The following MCTP2 variants were observed in gnomAD, a reference collection of about 807,000 sequenced individuals.
The protein encoded by MCTP2 is multiple C2 and transmembrane domain-containing protein 2.
In MCTP2, 132 loss-of-function variants were observed where a neutral mutation model predicts 111.6. The ratio of observed to expected loss-of-function variants is 1.18; its 90% CI spans 1.03 to 1.37. The LOEUF (loss-of-function observed/expected upper bound fraction) is 1.37, where lower values mean the gene tolerates loss of function less well. Ranked by LOEUF, MCTP2 falls within the 40% of genes most tolerant of loss-of-function variation. MCTP2 has a pLI of 0.00. For missense variants in MCTP2, 1,183 were observed against 1,067.9 expected (o/e 1.11, Z -1.50); for synonymous variants, 395 against 387.7 (o/e 1.02, Z -0.22).
chr15:94,295,783 C>T (rs1001664443), intron 1 of MCTP2, among the ~76,000 whole-genome samples: 5 of 152,038 alleles, frequency 3.3e-5, no homozygotes, highest in African/African-American at 1.2e-4. Flanking sequence ...GGCATGGTGG[C>T]GTGTGTCTGT....
chr15:94,398,110 A>G (rs1281275027), intron 14 of MCTP2, among the ~76,000 whole-genome samples: 2 of 152,222 alleles, frequency 1.3e-5, no homozygotes, highest in Non-Finnish European at 2.9e-5. Flanking sequence ...AGACTACTGT[A>G]TGGAACTGAT....
At chr15:94,424,038 G>A (rs1369693818) in intron 17 of MCTP2, among the ~76,000 whole-genome samples, 1 of 152,070 alleles carries the variant, frequency 6.6e-6, no homozygotes, top group Admixed American at 6.5e-5. Flanking sequence ...AATGTTGCAT[G>A]TCACTCACTG....
At chr15:94,379,670 T>C (rs1378341247) in intron 12 of MCTP2, among the ~76,000 whole-genome samples, 2 of 149,438 alleles carry the variant, frequency 1.3e-5, no homozygotes, top group African/African-American at 4.9e-5. Flanking sequence ...GCTATTTGCC[T>C]CTCTCTCTCA....
intron 14 of MCTP2, among the ~76,000 whole-genome samples, chr15:94,392,022 T>G (rs1421167798): frequency 1.3e-5 from 2 of 152,066 alleles, no homozygotes; most frequent in African/African-American, 4.8e-5. Flanking sequence ...AAGTAAAAGG[T>G]AGGTCAGAAA....
intron 1 of MCTP2, among the ~76,000 whole-genome samples, chr15:94,258,253 G>T (rs1224364757): frequency 6.6e-6 from 1 of 152,040 alleles, no homozygotes; most frequent in Non-Finnish European, 1.5e-5. Flanking sequence ...ACAACTAAAT[G>T]AATGCTTCAG....
At chr15:94,242,496 C>G (rs1181289836) in intron 1 of MCTP2, among the ~76,000 whole-genome samples, 1 of 152,000 alleles carries the variant, frequency 6.6e-6, no homozygotes, top group Non-Finnish European at 1.5e-5. Flanking sequence ...CTGTGCACTG[C>G]TGAGGTTTTT....
At chr15:94,281,228 A>G (rs1449947696) in intron 1 of MCTP2, among the ~76,000 whole-genome samples, 1 of 152,150 alleles carries the variant, frequency 6.6e-6, no homozygotes, top group Non-Finnish European at 1.5e-5. Flanking sequence ...AGCTTGTTTT[A>G]TGAATCTGGC....
chr15:94,293,847 C>G (rs1013650582), intron 1 of MCTP2, among the ~76,000 whole-genome samples: 2 of 152,152 alleles, frequency 1.3e-5, no homozygotes, highest in African/African-American at 4.8e-5. Flanking sequence ...TATGACCCAG[C>G]AATCTCACTC....
intron 21 of MCTP2, among the ~76,000 whole-genome samples, chr15:94,472,129 G>A (rs1363479351): frequency 6.6e-6 from 1 of 152,234 alleles, no homozygotes; most frequent in African/African-American, 2.4e-5. Flanking sequence ...TGTAATCCCA[G>A]CACTTTGGGA....
intron 2 of MCTP2, 109 bp downstream of exon 2, chr15:94,298,839 T>TCACTCTCTTCCCCCCTCCCCCTCCCTCA: frequency 4.9e-6 from 2 of 406,772 alleles, no homozygotes. Flanking sequence ...TCCCCCTCCC[T>TCACTCTCTTCCCCCCTCCCCCTCCCTCA]CTCTCTTCCC....
intron 19 of MCTP2, among the ~76,000 whole-genome samples, chr15:94,457,511 G>T (rs2084909552): frequency 6.6e-6 from 1 of 152,160 alleles, no homozygotes; most frequent in South Asian, 2.1e-4. Flanking sequence ...TGATCATCCT[G>T]GAAGGGAATA....
At position 94,335,791 on chromosome 15, in the gene MCTP2, A is replaced by G. The variant is rs1251823842; in HGVS notation, c.638-3499A>G. ...AAAACAGTTGATCTACATTGCTGGT[A>G]TGAGCAGAGCTCCAAGGAATGTTAA... On this transcript the variant is annotated intron_variant, in intron 4 of 22. Coordinates refer to ENST00000357742, the MANE Select transcript of MCTP2 (RefSeq NM_001385001.1). 2.0e-5 allele frequency among the ~76,000 whole-genome samples: 3 copies of G among 152,278 alleles called. No individual in the cohort carries two copies. In the East Asian group the frequency reaches 5.8e-4, roughly 29 times the overall value.
intron 1 of MCTP2, among the ~76,000 whole-genome samples, chr15:94,242,862 C>T (rs138754635): frequency 1.3e-5 from 2 of 150,238 alleles, no homozygotes; most frequent in Non-Finnish European, 3.0e-5. Context: ...CTGGCCACTT[C>T]TGGGGTTAGC....
chr15:94,439,646 G>A (rs2083665408), intron 17 of MCTP2, among the ~76,000 whole-genome samples: 1 of 152,160 alleles, frequency 6.6e-6, no homozygotes, highest in African/African-American at 2.4e-5. Flanking sequence ...AAATTGGGCA[G>A]CTAAGGGCAT....
intron 12 of MCTP2, among the ~76,000 whole-genome samples, chr15:94,382,760 G>A (rs1008842400): frequency 1.3e-5 from 2 of 152,266 alleles, no homozygotes; most frequent in Admixed American, 1.3e-4. Flanking sequence ...TTGGAACAGC[G>A]TCTGTCCTTG....
intron 4 of MCTP2, among the ~76,000 whole-genome samples, chr15:94,318,472 C>T (rs748433882): frequency 8.6e-5 from 13 of 151,940 alleles, no homozygotes; most frequent in East Asian, 1.9e-4. Flanking sequence ...TTAGTAGAGA[C>T]GGAGTTTCGC....
At chr15:94,458,975 T>C (rs573098435) in intron 20 of MCTP2, among the ~76,000 whole-genome samples, 1 of 152,230 alleles carries the variant, frequency 6.6e-6, no homozygotes, top group Non-Finnish European at 1.5e-5. Context: ...TCTTAGGACA[T>C]GATAGCTAAA....
chr15:94,234,071 A>G (rs1351994430), intron 1 of MCTP2, among the ~76,000 whole-genome samples: 3 of 152,126 alleles, frequency 2.0e-5, no homozygotes, highest in Non-Finnish European at 2.9e-5. Flanking sequence ...TGAAACAGCC[A>G]GACACCTTAA....
chr15:94,349,333 T>C (rs1005431819), intron 8 of MCTP2, among the ~76,000 whole-genome samples: 1 of 152,168 alleles, frequency 6.6e-6, no homozygotes, highest in Non-Finnish European at 1.5e-5. Context: ...CTCTCAGTGA[T>C]GTTTGACTCA....
Sources: allele counts gnomAD v4.1 joint callset (sites outside exome capture counted in the v4.1 genomes callset), GRCh38; gene constraint gnomAD v4.1.1; transcripts MANE v1.5; gene names NCBI Gene and HGNC (gene_info 2026-07-23, HGNC 2026-07-21).